Variants in SEL1L2 observed in about 807,000 individuals in gnomAD.
The protein encoded by SEL1L2 is protein sel-1 homolog 2.
Under a neutral mutation model 98.8 loss-of-function variants are expected in SEL1L2, and 89 were observed. The ratio of observed to expected loss-of-function variants is 0.90; its 90% CI spans 0.76 to 1.07. SEL1L2 has a LOEUF of 1.07. Among genes scored for constraint, SEL1L2 ranks in the 50% least tolerant of loss-of-function variants. SEL1L2 has a pLI of 0.00. For missense variants in SEL1L2, 788 were observed against 812.0 expected (o/e 0.97, Z 0.36); for synonymous variants, 262 against 278.5 (o/e 0.94, Z 0.59).
At chr20:13,930,148 C>G (rs368437184) in intron 3 of SEL1L2, among the ~76,000 whole-genome samples, 3 of 152,144 alleles carry the variant, frequency 2.0e-5, no homozygotes, top group East Asian at 3.9e-4. Flanking sequence ...GACTCTAACT[C>G]CTAAGGACCA....
chr20:13,980,646 A>C (rs1334689153), intron 1 of SEL1L2, among the ~76,000 whole-genome samples: 2 of 152,206 alleles, frequency 1.3e-5, no homozygotes, highest in African/African-American at 4.8e-5. Context: ...TATATATCCA[A>C]AGGACTCGAA....
intron 2 of SEL1L2, among the ~76,000 whole-genome samples, chr20:13,952,442 T>A (rs958315367): frequency 2.0e-5 from 3 of 152,194 alleles, no homozygotes; most frequent in Admixed American, 1.3e-4. Context: ...GTAGGTGGGA[T>A]AGAGACATAG....
intron 2 of SEL1L2, among the ~76,000 whole-genome samples, chr20:13,933,907 T>G (rs2049273907): frequency 6.6e-6 from 1 of 152,100 alleles, no homozygotes; most frequent in African/African-American, 2.4e-5. Context: ...AATTTTAAAT[T>G]TTAACTGAAA....
chr20:13,888,433 C>A, intron 6 of SEL1L2, 26 bp downstream of exon 6: 2 of 1,449,820 alleles, frequency 1.4e-6, no homozygotes, highest in South Asian at 1.2e-5. Flanking sequence ...CAATTTTGTT[C>A]CAGAATAAAA....
intron 1 of SEL1L2, among the ~76,000 whole-genome samples, chr20:13,986,199 T>C (rs1030348007): frequency 2.0e-5 from 3 of 152,198 alleles, no homozygotes; most frequent in Admixed American, 6.5e-5. Flanking sequence ...TTTTGAGGAA[T>C]TGCCAGACTG....
intron 1 of SEL1L2, among the ~76,000 whole-genome samples, chr20:13,956,949 T>C (rs979711545): frequency 6.6e-6 from 1 of 152,138 alleles, no homozygotes; most frequent in Non-Finnish European, 1.5e-5. Context: ...AAATATGTGA[T>C]ACATTCACAT....
chr20:13,907,735 T>TTTCTTTCC (rs2048012908), intron 5 of SEL1L2, among the ~76,000 whole-genome samples: 1 of 126,716 alleles, frequency 7.9e-6, no homozygotes, highest in Non-Finnish European at 1.6e-5. Context: ...TCTTTCTTTC[T>TTTCTTTCC]TTCTTTCTTT....
chr20:13,859,548 G>A (rs1989747649), intron 17 of SEL1L2, 114 bp from the exon 18 acceptor site: 1 of 916,824 alleles, frequency 1.1e-6, no homozygotes, highest in Non-Finnish European at 1.6e-6. Flanking sequence ...TGTATCTATA[G>A]CCAAGTATAA....
At chr20:13,890,559 C>T (rs1568911253) in intron 5 of SEL1L2, among the ~76,000 whole-genome samples, 1 of 152,194 alleles carries the variant, frequency 6.6e-6, no homozygotes, top group African/African-American at 2.4e-5. Flanking sequence ...GGAGAGATAG[C>T]TGTTTTTTTA....
At chr20:13,914,030 T>C (rs765387591) in intron 4 of SEL1L2, 86 bp from the exon 5 acceptor site, 14 of 1,189,664 alleles carry the variant, frequency 1.2e-5, no homozygotes, top group South Asian at 1.6e-5. Flanking sequence ...TACTTCTCTC[T>C]AACAAGCAGG....
intron 10 of SEL1L2, among the ~76,000 whole-genome samples, chr20:13,882,021 T>A (rs749131487): frequency 6.6e-6 from 1 of 152,198 alleles, no homozygotes; most frequent in Non-Finnish European, 1.5e-5. Context: ...TACATTTGCA[T>A]ACATATGTAT....
intron 5 of SEL1L2, among the ~76,000 whole-genome samples, chr20:13,906,780 G>A (rs141862453): frequency 0.028 from 4,314 of 152,184 alleles, 88 homozygotes; most frequent in Non-Finnish European, 0.041. Flanking sequence ...CCAGGTTCCC[G>A]CCATTCTCCT....
intron 2 of SEL1L2, among the ~76,000 whole-genome samples, chr20:13,943,429 T>A (rs143954042): frequency 0.014 from 2,078 of 151,550 alleles, 58 homozygotes; most frequent in African/African-American, 0.048. Flanking sequence ...CATATAGCCA[T>A]GTCAACTTTT....
intron 1 of SEL1L2, among the ~76,000 whole-genome samples, chr20:13,983,247 A>G (rs2051954337): frequency 6.6e-6 from 1 of 151,986 alleles, no homozygotes; most frequent in African/African-American, 2.4e-5. Context: ...TCCCTAGGCG[A>G]ACGTAGAGTC....
upstream of SEL1L2, among the ~76,000 whole-genome samples, chr20:13,992,645 ATAATT>A (rs1312217527): frequency 6.6e-6 from 1 of 152,218 alleles, no homozygotes; most frequent in Admixed American, 6.5e-5. Context: ...TCCATTCTTA[ATAATT>A]TAATTGTTAT....
At chr20:13,943,300 A>G (rs909561329) in intron 2 of SEL1L2, among the ~76,000 whole-genome samples, 5 of 152,230 alleles carry the variant, frequency 3.3e-5, no homozygotes, top group African/African-American at 1.2e-4. Flanking sequence ...GTGCTAACAT[A>G]AGATTTATAT....
chr20:13,937,104 T>C (rs2049490041), intron 2 of SEL1L2, among the ~76,000 whole-genome samples: 1 of 152,242 alleles, frequency 6.6e-6, no homozygotes, highest in Admixed American at 6.5e-5. Flanking sequence ...GTTTTTATTG[T>C]CTCTTCTTTC....
rs78641415 is a variant in SEL1L2, at chr20:13,984,943, T to C, written c.58+5534A>G. ...ACTTCAAAAGTTTATCACTTCTTTG[T>C]GTTTGGAACATTCAAAATCTGCTCT... On this transcript the variant is annotated intron_variant, in intron 1 of 19. Transcript: ENST00000284951. Among the ~76,000 whole-genome samples, 431 of 152,330 alleles carry C rather than the reference T, an allele frequency of 2.8e-3. 2 individuals carry two copies. Among genetic ancestry groups the C allele is most frequent in the African/African-American group, 9.9e-3 (413 of 41,572 alleles).
intron 5 of SEL1L2, among the ~76,000 whole-genome samples, chr20:13,905,099 A>G (rs555892686): frequency 9.9e-5 from 15 of 152,276 alleles, no homozygotes; most frequent in African/African-American, 3.4e-4. Context: ...TGCTTTTACC[A>G]GCCTCAAATA....
Sources: allele counts gnomAD v4.1 joint callset (sites outside exome capture counted in the v4.1 genomes callset), GRCh38; gene constraint gnomAD v4.1.1; transcripts MANE v1.5; gene names NCBI Gene and HGNC (gene_info 2026-07-23, HGNC 2026-07-21).